Variants in ERMARD observed in about 807,000 individuals in gnomAD.
The protein encoded by ERMARD is endoplasmic reticulum membrane-associated RNA degradation protein.
In ERMARD, 71 loss-of-function variants were observed where a neutral mutation model predicts 83.9. The observed-to-expected ratio is 0.85, with a 90% CI of 0.70 to 1.03. The LOEUF is 1.03. ERMARD is among the 50% of genes least tolerant of loss of function. ERMARD has a pLI of 0.00. For synonymous variants in ERMARD, 284 were observed against 298.6 expected (o/e 0.95, Z 0.50); for missense variants, 838 against 810.9 (o/e 1.03, Z -0.41).
intron 9 of ERMARD, among the ~76,000 whole-genome samples, chr6:169,766,173 G>A (rs1585381877): frequency 6.6e-6 from 1 of 152,220 alleles, no homozygotes; most frequent in African/African-American, 2.4e-5. Flanking sequence ...TGTTGCAGTT[G>A]GGATCAGAAC....
chr6:169,766,783 T>C, intron 10 of ERMARD, 116 bp downstream of exon 10: 1 of 1,170,134 alleles, frequency 8.5e-7, no homozygotes, highest in Non-Finnish European at 1.2e-6. Flanking sequence ...TACAGGAAAA[T>C]GTCCATAGTA....
chr6:169,778,065 G>A (rs1793799071), intron 16 of ERMARD, among the ~76,000 whole-genome samples: 1 of 152,194 alleles, frequency 6.6e-6, no homozygotes, highest in South Asian at 2.1e-4. Context: ...CTCACTCTGG[G>A]ACCATGGAGA....
intron 16 of ERMARD, 130 bp from the exon 17 acceptor site, chr6:169,779,052 A>T: frequency 1.2e-6 from 1 of 845,320 alleles, no homozygotes; most frequent in Non-Finnish European, 1.9e-6. Flanking sequence ...TTGGGCTCTA[A>T]GGATTAGGAA....
intron 8 of ERMARD, 56 bp from the exon 9 acceptor site, chr6:169,762,373 C>T (rs912673362): frequency 6.6e-7 from 1 of 1,510,738 alleles, no homozygotes; most frequent in Non-Finnish European, 9.2e-7. Context: ...CTGCACCTGG[C>T]CTAATATTTA....
chr6:169,774,273 A>G (rs7751981), intron 13 of ERMARD, among the ~76,000 whole-genome samples: 45,873 of 152,128 alleles, frequency 0.3, 8,001 homozygotes, highest in African/African-American at 0.48. Context: ...GGGGTTGTCA[A>G]CAGTGAAGTT....
Position 169,758,961 on chromosome 6 carries a change from G to C in ERMARD, c.508-7G>C, listed in dbSNP as rs755248825. 2 of 1,609,132 alleles carry C rather than the reference G, an allele frequency of 1.2e-6. No individual in the cohort carries two copies. Among genetic ancestry groups the C allele is most frequent in the Non-Finnish European group, 1.7e-6 (2 of 1,176,990 alleles). ...TATAATTAACTATGTAATGATTTGC[G>C]GATTAGATGAATGTGCTAAAAGTCT... On this transcript the variant is annotated splice_region_variant and splice_polypyrimidine_tract_variant and intron_variant, in intron 5 of 17. Transcript: ENST00000366773.
intron 13 of ERMARD, among the ~76,000 whole-genome samples, chr6:169,773,993 A>G (rs1444696179): frequency 6.6e-6 from 1 of 152,188 alleles, no homozygotes; most frequent in East Asian, 1.9e-4. Flanking sequence ...GAAGCTGTAA[A>G]ATCAACACAC....
Position 169,779,108 on chromosome 6 carries a change from A to G in ERMARD, c.1740-74A>G, listed in dbSNP as rs551447668. The G allele has an allele frequency of 2.3e-6, 3 of 1,286,876 alleles. No homozygotes were observed. In the South Asian group the frequency reaches 3.6e-5, roughly 16 times the overall value. The allele number at this position is 1,286,876 out of a possible 1,614,324, so 79.7% of individuals were successfully genotyped here. On this transcript the variant is annotated intron_variant, in intron 16 of 17. Transcript: ENST00000366773. ...GGACTTAAGGATGTTGATTAGGTGA[A>G]ACATCTTTTTCCTGATGAAGGTGGA...
intron 11 of ERMARD, 49 bp from the exon 12 acceptor site, chr6:169,769,491 C>G: frequency 6.6e-7 from 1 of 1,520,238 alleles, no homozygotes; most frequent in Non-Finnish European, 8.8e-7. Flanking sequence ...AGGCACGTCT[C>G]TCTGCTGCGG....
At position 169,756,407 on chromosome 6, in the gene ERMARD, C is replaced by CT. The variant is rs1214719984; in HGVS notation, c.386dup (p.Thr130AspfsTer10). 11 of 1,611,746 alleles carry CT rather than the reference C, an allele frequency of 6.8e-6. No homozygotes were observed. Among genetic ancestry groups the CT allele is most frequent in the African/African-American group, 1.3e-5 (1 of 74,864 alleles). ...TGCTATTTCTCTTAGCTTAATGAAACTGACATCGTGTCTAGAACGAGCCTT... is the reference window on the plus strand; with the variant it reads ...TGCTATTTCTCTTAGCTTAATGAAACTTGACATCGTGTCTAGAACGAGCCTT... On this transcript the variant is annotated frameshift_variant, in exon 4 of 18. Transcript: ENST00000366773. LOFTEE classifies it high-confidence loss of function.
chr6:169,777,799 C>T (rs1332912385), intron 16 of ERMARD, among the ~76,000 whole-genome samples: 14 of 151,758 alleles, frequency 9.2e-5, no homozygotes, highest in Admixed American at 7.9e-4. Context: ...ACAGCTCCAG[C>T]GCCAACAGGA....
intron 9 of ERMARD, among the ~76,000 whole-genome samples, chr6:169,764,133 T>G (rs1791895881): frequency 6.6e-6 from 1 of 152,244 alleles, no homozygotes; most frequent in South Asian, 2.1e-4. Context: ...GCTGACCTTG[T>G]GCTCTTCCTG....
chr6:169,751,794 G>A (rs1790134979), intron 1 of ERMARD, 131 bp downstream of exon 1: 2 of 1,325,258 alleles, frequency 1.5e-6, no homozygotes, highest in Admixed American at 3.6e-5. Flanking sequence ...CGCGCTGGAG[G>A]GCGCTGGCGA....
At chr6:169,757,338 A>G (rs543265028) in intron 5 of ERMARD, among the ~76,000 whole-genome samples, 5 of 152,306 alleles carry the variant, frequency 3.3e-5, no homozygotes, top group African/African-American at 1.2e-4. Context: ...TCCAGCACAT[A>G]GAAAGCTTTC....
rs772694226 is a variant in ERMARD, at chr6:169,760,709, C to T, written c.810C>T (p.Ile270=). Residue 270 remains isoleucine, a synonymous_variant, in exon 8 of 18, where the codon ATC becomes ATT. Coordinates refer to ENST00000366773, the MANE Select transcript of ERMARD (RefSeq NM_018341.3). ...VMMKSAFILK[I]MLPYWEVALV... ...TGAAATCTGCTTTTATATTAAAAAT[C>T]ATGTTACCATATTGGGAAGTTGCAC... The T allele has an allele frequency of 2.4e-5, 39 of 1,613,730 alleles. No individual in the cohort carries two copies. The highest frequency in any genetic ancestry group is 3.3e-5 in the Non-Finnish European group (39 of 1,179,852).
In ERMARD at chr6:169,755,298, A is replaced by G; in HGVS notation, c.191A>G (p.Tyr64Cys). ...ATCCTTTAAGAGCAGGGTCTGGATT[A>G]CTGGGGAAGCGTGAGGCTGCTGGGC... ...SYTESEQGLD[Y>C]WGSVRLLGPV... Residue 64 changes from tyrosine (Y) to cysteine (C), a missense_variant, in exon 3 of 18, where the codon TAC becomes TGC. Coordinates refer to ENST00000366773, the MANE Select transcript of ERMARD (RefSeq NM_018341.3). 7 of 1,613,970 alleles carry G rather than the reference A, an allele frequency of 4.3e-6. No individual in the cohort carries two copies. Among genetic ancestry groups the G allele is most frequent in the Non-Finnish European group, 5.9e-6 (7 of 1,179,966 alleles).
At chr6:169,765,174 C>T (rs1367543073) in intron 9 of ERMARD, among the ~76,000 whole-genome samples, 4 of 152,162 alleles carry the variant, frequency 2.6e-5, no homozygotes, top group African/African-American at 4.8e-5. Flanking sequence ...TAGGGCCATG[C>T]GGTGCAAATA....
At chr6:169,756,497 C>A in intron 4 of ERMARD, 58 bp downstream of exon 4, 1 of 1,289,472 alleles carries the variant, frequency 7.8e-7, no homozygotes, top group Non-Finnish European at 1.1e-6. Flanking sequence ...GAACATGAAA[C>A]TATTTTACAG....
intron 12 of ERMARD, 71 bp from the exon 13 acceptor site, chr6:169,773,248 C>T: frequency 2.3e-6 from 3 of 1,282,318 alleles, no homozygotes; most frequent in Non-Finnish European, 3.3e-6. Context: ...CTCTAAGTGG[C>T]CTACAGTTCA....
Sources: allele counts gnomAD v4.1 joint callset (sites outside exome capture counted in the v4.1 genomes callset), GRCh38; gene constraint gnomAD v4.1.1; transcripts MANE v1.5; gene names NCBI Gene and HGNC (gene_info 2026-07-23, HGNC 2026-07-21).